CDK5RAP2: variants seen among roughly 807,000 people sequenced by gnomAD.
CDK5RAP2 encodes the protein CDK5 regulatory subunit associated protein 2.
A neutral mutation model predicts 232.9 loss-of-function variants in CDK5RAP2; 147 were observed. The observed-to-expected ratio is 0.63, with a 90% CI of 0.55 to 0.72. The LOEUF is 0.72. Among genes scored for constraint, CDK5RAP2 ranks in the 30% least tolerant of loss-of-function variants. CDK5RAP2 has a pLI of 0.00. For synonymous variants in CDK5RAP2, 833 were observed against 833.7 expected (o/e 1.00, Z 0.01); for missense variants, 2,195 against 2,231.5 (o/e 0.98, Z 0.33).
At chr9:120,540,452 T>C (rs1395539574) in intron 5 of CDK5RAP2, among the ~76,000 whole-genome samples, 3 of 152,182 alleles carry the variant, frequency 2.0e-5, no homozygotes, top group Non-Finnish European at 4.4e-5. Context: ...CTGAGAACAA[T>C]GGAAAGTCAA....
intron 3 of CDK5RAP2, among the ~76,000 whole-genome samples, chr9:120,564,816 T>C (rs550804643): frequency 8.5e-5 from 13 of 152,190 alleles, no homozygotes; most frequent in Non-Finnish European, 1.5e-4. Context: ...TCTTCCCTAC[T>C]CACCCAAAAA....
chr9:120,397,740 G>A (rs2032644321), intron 35 of CDK5RAP2, among the ~76,000 whole-genome samples: 1 of 152,012 alleles, frequency 6.6e-6, no homozygotes, highest in African/African-American at 2.4e-5. Flanking sequence ...TCCATGTTTT[G>A]CATTTGATTA....
chr9:120,563,093 A>G (rs964048457), intron 3 of CDK5RAP2, among the ~76,000 whole-genome samples: 6 of 152,166 alleles, frequency 3.9e-5, no homozygotes, highest in African/African-American at 1.2e-4. Context: ...TTGCTAGAAG[A>G]CAGAATCATG....
At chr9:120,422,647 C>G (rs534531261) in intron 26 of CDK5RAP2, 46 bp downstream of exon 26, 2 of 1,455,588 alleles carry the variant, frequency 1.4e-6, no homozygotes, top group Admixed American at 3.3e-5. Context: ...GTAAATCAGA[C>G]CTAGAAAGTC....
intron 14 of CDK5RAP2, among the ~76,000 whole-genome samples, chr9:120,481,448 A>T (rs981826101): frequency 2.0e-5 from 3 of 152,036 alleles, no homozygotes; most frequent in Non-Finnish European, 4.4e-5. Context: ...TGACTTTATG[A>T]ACCATGTGAC....
At chr9:120,578,026 T>C (rs1160124325) in intron 1 of CDK5RAP2, among the ~76,000 whole-genome samples, 1 of 152,118 alleles carries the variant, frequency 6.6e-6, no homozygotes, top group Non-Finnish European at 1.5e-5. Flanking sequence ...TCCCAGAACT[T>C]TGGGAGGCCA....
intron 27 of CDK5RAP2, among the ~76,000 whole-genome samples, chr9:120,419,226 T>C (rs2034422057): frequency 6.6e-6 from 1 of 152,178 alleles, no homozygotes; most frequent in Admixed American, 6.5e-5. Flanking sequence ...TTTAGAACTG[T>C]AAGAAATAAA....
In CDK5RAP2 at chr9:120,572,008, A is replaced by G. The variant is rs750504083; in HGVS notation, c.93T>C (p.Asp31=). Residue 31 remains aspartate (D), a synonymous_variant, in exon 2 of 38, where the codon GAT becomes GAC. Transcript: ENST00000349780. ...GLVPSVPDDL[D]GINPNAGLGN... is the part of the protein sequence containing the mutation. ...CCAACCCAGCATTGGGGTTGATGCC[A>G]TCCAGGTCATCTGGTACACTGGGAA... 1.2e-6 allele frequency: 2 copies of G among 1,614,022 alleles called. No homozygotes were observed. The highest frequency in any genetic ancestry group is 2.2e-5 in the South Asian group (2 of 91,078).
chr9:120,517,901 A>T (rs1381172183), intron 12 of CDK5RAP2: 1 of 328,994 alleles, frequency 3.0e-6, no homozygotes, highest in Non-Finnish European at 6.1e-6. Flanking sequence ...CTCAAAAAAA[A>T]CAACAAAGAA....
intron 2 of CDK5RAP2, among the ~76,000 whole-genome samples, chr9:120,570,822 G>A (rs778031544): frequency 1.3e-4 from 20 of 152,078 alleles, no homozygotes; most frequent in Non-Finnish European, 1.9e-4. Flanking sequence ...CTGGGCAACA[G>A]AGCGAGACTC....
chr9:120,484,339 T>C (rs1363300649), intron 14 of CDK5RAP2, among the ~76,000 whole-genome samples: 18 of 152,202 alleles, frequency 1.2e-4, no homozygotes, highest in Admixed American at 1.1e-3. Flanking sequence ...GCTGCAACAG[T>C]TGGGATTCCT....
chr9:120,540,063 G>A (rs2041562759), intron 5 of CDK5RAP2, among the ~76,000 whole-genome samples: 1 of 152,170 alleles, frequency 6.6e-6, no homozygotes, highest in African/African-American at 2.4e-5. Context: ...CATACTCCGT[G>A]TTACTCTAAC....
At chr9:120,534,310 C>T in intron 7 of CDK5RAP2, among the ~76,000 whole-genome samples, 1 of 152,320 alleles carries the variant, frequency 6.6e-6, no homozygotes, top group East Asian at 1.9e-4. Flanking sequence ...TCGCACTGTT[C>T]CTTTACTTTC....
chr9:120,437,561 AT>A (rs2035658256), intron 24 of CDK5RAP2, 34 bp from the exon 25 acceptor site: 2 of 1,512,006 alleles, frequency 1.3e-6, no homozygotes, highest in Non-Finnish European at 1.8e-6. Flanking sequence ...TACTTGGACC[AT>A]TTTAGAATTG....
chr9:120,579,987 A>C lies in CDK5RAP2; in HGVS notation c.-9T>G. ...AACACCAAGTCCATCATGGCTACAGAGGTGGCGACAGCGTTGGTGTCTGTG... is the reference window on the plus strand; with the variant it reads ...AACACCAAGTCCATCATGGCTACAGCGGTGGCGACAGCGTTGGTGTCTGTG... On this transcript the variant is annotated 5_prime_UTR_variant, in exon 1 of 38. Transcript: ENST00000349780. 6.3e-7 allele frequency: 1 copy of C among 1,597,660 alleles called. No individual in the cohort carries two copies. Among genetic ancestry groups the C allele is most frequent in the East Asian group, 2.2e-5 (1 of 44,784 alleles).
Position 120,518,599 on chromosome 9 carries a change from G to A in CDK5RAP2, c.1139C>T (p.Ser380Leu), listed in dbSNP as rs376412750. 195 of 1,613,622 alleles carry A rather than the reference G, an allele frequency of 1.2e-4. No individual in the cohort carries two copies. Among genetic ancestry groups the A allele is most frequent in the Non-Finnish European group, 1.6e-4 (186 of 1,179,988 alleles). Residue 380 changes from serine to leucine, a missense_variant, in exon 12 of 38, where the codon TCG (serine) becomes TTG (leucine). By Grantham distance (145) the Ser-to-Leu change is moderately radical (BLOSUM62 -2). Transcript: ENST00000349780. The part of the protein sequence containing the change: ...ETALSGKEAL[S>L]AALRSQNLTK... Reference sequence around the variant, plus strand: ...GAGGTTTTGTGAGCGCAGCGCAGCCGAAAGGGCTTCCTTTCCTGATAGAGC... The same window carrying A: ...GAGGTTTTGTGAGCGCAGCGCAGCCAAAAGGGCTTCCTTTCCTGATAGAGC...
At chr9:120,420,236 G>A (rs903770551) in intron 26 of CDK5RAP2, among the ~76,000 whole-genome samples, 12 of 152,206 alleles carry the variant, frequency 7.9e-5, no homozygotes, top group Admixed American at 1.3e-4. Flanking sequence ...GACTTGGGTC[G>A]ACGGCAGCTG....
At chr9:120,538,528 G>A (rs1409978752) in intron 6 of CDK5RAP2, among the ~76,000 whole-genome samples, 6 of 152,138 alleles carry the variant, frequency 3.9e-5, no homozygotes, top group African/African-American at 1.4e-4. Flanking sequence ...ATGAGCACCA[G>A]CAGGATGGTT....
chr9:120,475,058 A>G (rs1351657159), intron 15 of CDK5RAP2, among the ~76,000 whole-genome samples: 4 of 152,358 alleles, frequency 2.6e-5, no homozygotes, highest in South Asian at 4.1e-4. Context: ...ACTACATGCC[A>G]GGAAGTATTA....
Sources: allele counts gnomAD v4.1 joint callset (sites outside exome capture counted in the v4.1 genomes callset), GRCh38; gene constraint gnomAD v4.1.1; transcripts MANE v1.5; gene names NCBI Gene and HGNC (gene_info 2026-07-23, HGNC 2026-07-21).